SEMA3D: variants seen among roughly 807,000 people sequenced by gnomAD.
The protein encoded by SEMA3D is semaphorin 3D.
In SEMA3D, 84 loss-of-function variants were observed where a neutral mutation model predicts 100.1. The observed-to-expected ratio is 0.84, with a 90% CI of 0.70 to 1.01. The LOEUF is 1.01. SEMA3D is among the 50% of genes least tolerant of loss of function. The pLI is 0.00. For missense variants in SEMA3D, 875 were observed against 934.1 expected (o/e 0.94, Z 0.82); for synonymous variants, 312 against 320.7 (o/e 0.97, Z 0.29).
intron 2 of SEMA3D, among the ~76,000 whole-genome samples, chr7:85,149,522 T>C (rs1790305758): frequency 6.6e-6 from 1 of 152,160 alleles, no homozygotes; most frequent in Non-Finnish European, 1.5e-5. Flanking sequence ...CCTCAAACAA[T>C]GATGATGGTC....
intron 3 of SEMA3D, among the ~76,000 whole-genome samples, chr7:85,115,592 T>G (rs1366645257): frequency 6.6e-6 from 1 of 152,192 alleles, no homozygotes; most frequent in African/African-American, 2.4e-5. Context: ...TGGATTTTAA[T>G]ATTTGTTTTC....
At chr7:85,156,751 A>C (rs1488193129) in intron 1 of SEMA3D, among the ~76,000 whole-genome samples, 1 of 152,234 alleles carries the variant, frequency 6.6e-6, no homozygotes, top group African/African-American at 2.4e-5. Context: ...TCTTTTAAAC[A>C]GGCTCTTTAT....
the SEMA3D span, among the ~76,000 whole-genome samples, chr7:85,234,711 A>G: frequency 6.6e-6 from 1 of 151,076 alleles, no homozygotes; most frequent in African/African-American, 2.5e-5. Context: ...GAATAATGAT[A>G]AAAGAAAATA....
chr7:85,044,712 A>G (rs1790958417), intron 9 of SEMA3D, among the ~76,000 whole-genome samples: 3 of 152,106 alleles, frequency 2.0e-5, no homozygotes, highest in Non-Finnish European at 1.5e-5. Context: ...ATCCATATAT[A>G]CATATACATA....
chr7:85,060,043 G>C (rs565272982), intron 8 of SEMA3D, among the ~76,000 whole-genome samples: 2 of 152,292 alleles, frequency 1.3e-5, no homozygotes, highest in African/African-American at 4.8e-5. Context: ...ATTTTTCCAA[G>C]TGATATTTAT....
chr7:84,999,528 T>C lies in SEMA3D; in HGVS notation c.2246A>G (p.Lys749Arg). Residue 749 changes from lysine to arginine, a missense_variant, in exon 19 of 19, where the codon AAG becomes AGG. Coordinates refer to ENST00000284136, the MANE Select transcript of SEMA3D (RefSeq NM_001384900.1). ...KRRQRNKGGP[K>R]WKHMQEMKKK... ...CTTCATTTCCTGCATGTGCTTCCACTTTGGGCCCCCCTTGTTTCTCTGTCT... is the reference window on the plus strand; with the variant it reads ...CTTCATTTCCTGCATGTGCTTCCACCTTGGGCCCCCCTTGTTTCTCTGTCT... 1 of 1,614,142 alleles carries C rather than the reference T, an allele frequency of 6.2e-7. No homozygotes were observed. Among genetic ancestry groups the C allele is most frequent in the Non-Finnish European group, 8.5e-7 (1 of 1,180,024 alleles).
intron 1 of SEMA3D, among the ~76,000 whole-genome samples, chr7:85,165,220 A>G (rs1790870312): frequency 6.6e-6 from 1 of 151,750 alleles, no homozygotes; most frequent in Non-Finnish European, 1.5e-5. Context: ...TATAATAATA[A>G]TAATAAAACT....
chr7:85,145,008 C>A (rs191281442), intron 2 of SEMA3D, among the ~76,000 whole-genome samples: 1 of 151,852 alleles, frequency 6.6e-6, no homozygotes, highest in Non-Finnish European at 1.5e-5. Flanking sequence ...TTATAAAGCA[C>A]GGAGGAAAAA....
Position 84,999,846 on chromosome 7 carries a change from A to T in SEMA3D, c.1928T>A (p.Ile643Asn), listed in dbSNP as rs776797318. The T allele has an allele frequency of 8.1e-6, 13 of 1,613,098 alleles. No individual in the cohort carries two copies. The highest frequency in any genetic ancestry group is 1.1e-5 in the Non-Finnish European group (13 of 1,179,370). ...CAGTAGCCCATATTCCGTTTTGATG[A>T]TTCTTTCATCGGGCTTCAACTGCAG... Reference protein sequence around the residue: ...HREELKPDERIIKTEYGLLIR... With the variant: ...HREELKPDERNIKTEYGLLIR... Residue 643 changes from isoleucine to asparagine, a missense_variant, in exon 19 of 19, where the codon ATC becomes AAC. Coordinates refer to ENST00000284136, the MANE Select transcript of SEMA3D (RefSeq NM_001384900.1).
chr7:85,167,164 A>G (rs1173645879), intron 1 of SEMA3D: 3 of 539,352 alleles, frequency 5.6e-6, no homozygotes, highest in Non-Finnish European at 7.1e-6. Context: ...ATTATGTTTC[A>G]TCATGCAGGG....
intron 18 of SEMA3D, 133 bp downstream of exon 18, chr7:85,006,669 T>C: frequency 1.6e-6 from 1 of 607,878 alleles, no homozygotes; most frequent in Non-Finnish European, 2.6e-6. Context: ...TTACCTTTGG[T>C]GTTAGTGAGT....
chr7:85,008,139 A>G (rs1789850862), intron 17 of SEMA3D, among the ~76,000 whole-genome samples: 1 of 151,814 alleles, frequency 6.6e-6, no homozygotes, highest in African/African-American at 2.4e-5. Flanking sequence ...AGTCATGGAA[A>G]AGAAAGACAT....
chr7:85,237,771 C>T, the SEMA3D span, among the ~76,000 whole-genome samples: 16 of 152,090 alleles, frequency 1.1e-4, no homozygotes, highest in African/African-American at 2.4e-4. Context: ...TTTGTGTGAG[C>T]GTAAGTTTTC....
Position 85,055,725 on chromosome 7 carries a change from C to T in SEMA3D, c.853G>A (p.Val285Ile), listed in dbSNP as rs566459043. ...DKTILSRVGR[V>I]CKNDVGGQRS... ...ATATAAATATATCTTGCCTTACAAA[C>T]TCTTCCAACTCGAGAAAGGATGGTT... The change falls in exon 9 of 19, where the codon GTT becomes ATT. Residue 285 changes from valine to isoleucine, a missense_variant. By Grantham distance (29) the Val-to-Ile change is conservative. Transcript: ENST00000284136. 1.1e-5 allele frequency: 15 copies of T among 1,408,894 alleles called. No homozygotes were observed. The South Asian group carries it at 2.1e-4, about 20-fold the overall frequency. The allele number at this position is 1,408,894 out of a possible 1,614,324, so 87.3% of individuals were successfully genotyped here. A position where few individuals can be genotyped will look rare whatever the true frequency, so the allele number is the denominator to read the frequency against.
chr7:85,040,102 G>A (rs1278918258), intron 11 of SEMA3D, among the ~76,000 whole-genome samples: 1 of 149,566 alleles, frequency 6.7e-6, no homozygotes, highest in Non-Finnish European at 1.5e-5. Flanking sequence ...TCAGCCTTCT[G>A]AGTAGCTGGG....
At chr7:85,028,169 A>T (rs1029205195) in intron 12 of SEMA3D, 22 of 638,926 alleles carry the variant, frequency 3.4e-5, no homozygotes, top group Middle Eastern at 8.0e-4. Context: ...AAAAGCTGCT[A>T]CCCATAGGAG....
At chr7:85,094,616 A>G (rs1442645246) in intron 4 of SEMA3D, among the ~76,000 whole-genome samples, 1 of 151,922 alleles carries the variant, frequency 6.6e-6, no homozygotes, top group Non-Finnish European at 1.5e-5. Flanking sequence ...TGAACCTACA[A>G]CAAAAGTGTC....
the SEMA3D span, among the ~76,000 whole-genome samples, chr7:85,242,055 T>C: frequency 2.6e-5 from 4 of 152,042 alleles, no homozygotes; most frequent in Non-Finnish European, 5.9e-5. Context: ...AAAAGAAATT[T>C]GTGTCACCTT....
chr7:85,168,026 T>G (rs910251396), intron 1 of SEMA3D, among the ~76,000 whole-genome samples: 68 of 151,950 alleles, frequency 4.5e-4, no homozygotes, highest in African/African-American at 1.6e-3. Context: ...ATGCATATTT[T>G]TGATAACGAC....
Sources: allele counts gnomAD v4.1 joint callset (sites outside exome capture counted in the v4.1 genomes callset), GRCh38; gene constraint gnomAD v4.1.1; transcripts MANE v1.5; gene names NCBI Gene and HGNC (gene_info 2026-07-23, HGNC 2026-07-21).